PALM2AKAP2: variants seen among roughly 807,000 people sequenced by gnomAD.
The protein encoded by PALM2AKAP2 is PALM2 and AKAP2 fusion, also known as PALM2-AKAP2 fusion protein.
Under a neutral mutation model 71.5 loss-of-function variants are expected in PALM2AKAP2, and 37 were observed. The observed-to-expected ratio is 0.52, with a 90% CI of 0.40 to 0.68. The LOEUF (loss-of-function observed/expected upper bound fraction) is 0.68, where lower values mean the gene tolerates loss of function less well. Ranked by LOEUF, PALM2AKAP2 falls within the 30% of genes least tolerant of loss-of-function variation. The pLI, the probability that PALM2AKAP2 is intolerant of heterozygous loss-of-function variation, is 0.00. For synonymous variants in PALM2AKAP2, 468 were observed against 478.8 expected (o/e 0.98, Z 0.29); for missense variants, 1,224 against 1,191.8 (o/e 1.03, Z -0.40).
chr9:109,727,480 A>G (rs369639554), intron 1 of PALM2AKAP2, among the ~76,000 whole-genome samples: 1 of 151,708 alleles, frequency 6.6e-6, no homozygotes, highest in Non-Finnish European at 1.5e-5. Flanking sequence ...ACATTAAAAA[A>G]TTATTTTATA....
chr9:110,098,030 G>A (rs1257023205), intron 1 of PALM2AKAP2, among the ~76,000 whole-genome samples: 2 of 144,500 alleles, frequency 1.4e-5, no homozygotes, highest in African/African-American at 2.7e-5. Flanking sequence ...GCGTGGCGGC[G>A]CGTGCCTGCA....
intron 1 of PALM2AKAP2, among the ~76,000 whole-genome samples, chr9:109,688,428 T>G (rs1827833632): frequency 6.6e-6 from 1 of 152,258 alleles, no homozygotes; most frequent in South Asian, 2.1e-4. Flanking sequence ...ATTCAGAGCC[T>G]TGCTCTATCT....
intron 7 of PALM2AKAP2, among the ~76,000 whole-genome samples, chr9:110,023,369 C>T (rs1459240387): frequency 1.6e-5 from 2 of 127,554 alleles, no homozygotes; most frequent in Non-Finnish European, 3.1e-5. Context: ...GGCTGGAGTG[C>T]AATGACGCCA....
intron 1 of PALM2AKAP2, among the ~76,000 whole-genome samples, chr9:110,098,993 A>G (rs1472199202): frequency 3.3e-5 from 5 of 152,224 alleles, no homozygotes; most frequent in Non-Finnish European, 7.4e-5. Flanking sequence ...TTAAGTGATT[A>G]CTTTCAATTC....
intron 1 of PALM2AKAP2, among the ~76,000 whole-genome samples, chr9:109,802,037 C>G (rs1827445710): frequency 6.6e-6 from 1 of 152,194 alleles, no homozygotes. Context: ...AACAACACTT[C>G]TCAGTCAAAA....
At chr9:110,105,262 A>T (rs886253564) in intron 1 of PALM2AKAP2, among the ~76,000 whole-genome samples, 1 of 152,238 alleles carries the variant, frequency 6.6e-6, no homozygotes, top group Non-Finnish European at 1.5e-5. Context: ...TTGCCAGAAA[A>T]GAGCATGCAG....
chr9:109,704,803 T>G (rs1332635351), intron 1 of PALM2AKAP2, among the ~76,000 whole-genome samples: 1 of 152,152 alleles, frequency 6.6e-6, no homozygotes, highest in African/African-American at 2.4e-5. Flanking sequence ...GCCATTCACT[T>G]CAACTTGGCT....
At chr9:109,688,934 G>T (rs1403436573) in intron 1 of PALM2AKAP2, among the ~76,000 whole-genome samples, 1 of 152,122 alleles carries the variant, frequency 6.6e-6, no homozygotes, top group Non-Finnish European at 1.5e-5. Context: ...TGCAATAATC[G>T]ATTATGTGAG....
chr9:109,972,473 C>T (rs910525756), intron 6 of PALM2AKAP2, among the ~76,000 whole-genome samples: 25 of 152,306 alleles, frequency 1.6e-4, no homozygotes, highest in African/African-American at 6.0e-4. Context: ...ACGTGGGAGA[C>T]AGCATGGCAT....
intron 1 of PALM2AKAP2, among the ~76,000 whole-genome samples, chr9:109,798,430 G>A (rs1188666696): frequency 6.6e-6 from 1 of 152,216 alleles, no homozygotes; most frequent in African/African-American, 2.4e-5. Context: ...TAAGGGGCCT[G>A]TAAACAATGG....
chr9:109,748,287 T>A (rs1041870262), intron 1 of PALM2AKAP2, among the ~76,000 whole-genome samples: 36 of 152,172 alleles, frequency 2.4e-4, no homozygotes, highest in African/African-American at 7.7e-4. Context: ...CTTGGTGAAT[T>A]GGGCTGCCCT....
intron 1 of PALM2AKAP2, 88 bp downstream of exon 1, chr9:109,780,621 A>G: frequency 2.6e-6 from 4 of 1,562,618 alleles, no homozygotes; most frequent in Non-Finnish European, 3.5e-6. Context: ...GCATGCCAGC[A>G]CAGTAGCCGC....
chr9:110,150,144 C>T (rs971276292), intron 2 of PALM2AKAP2, among the ~76,000 whole-genome samples: 2 of 152,366 alleles, frequency 1.3e-5, no homozygotes, highest in South Asian at 4.1e-4. Flanking sequence ...CTCTCCCCAC[C>T]ATGTGTGGAC....
At chr9:109,788,225 C>T (rs999392643) in intron 1 of PALM2AKAP2, among the ~76,000 whole-genome samples, 1 of 152,198 alleles carries the variant, frequency 6.6e-6, no homozygotes, top group Non-Finnish European at 1.5e-5. Flanking sequence ...AACCTATACT[C>T]AAGGTATGCA....
intron 1 of PALM2AKAP2, among the ~76,000 whole-genome samples, chr9:109,661,463 C>G (rs1390914888): frequency 6.6e-6 from 1 of 152,188 alleles, no homozygotes; most frequent in East Asian, 1.9e-4. Context: ...TGTCAAAGAT[C>G]AGATGGTTGT....
intron 3 of PALM2AKAP2, among the ~76,000 whole-genome samples, chr9:109,911,099 C>T (rs1564206427): frequency 1.3e-5 from 2 of 152,092 alleles, no homozygotes; most frequent in Non-Finnish European, 2.9e-5. Context: ...CGCTGGCCTT[C>T]AACAGACAGT....
chr9:110,137,296 G>A, exon 2 of PALM2AKAP2: 1 of 1,614,244 alleles, frequency 6.2e-7, no homozygotes, highest in Non-Finnish European at 8.5e-7. Context: ...TCTCCATCAA[G>A]CCTTTCTACA....
At chr9:109,812,635 C>T (rs760727399) in intron 1 of PALM2AKAP2, among the ~76,000 whole-genome samples, 3 of 152,188 alleles carry the variant, frequency 2.0e-5, no homozygotes, top group Non-Finnish European at 4.4e-5. Context: ...TTATTTCATC[C>T]CTCACCTCAT....
chr9:109,900,437 C>A (rs536525251), intron 3 of PALM2AKAP2, among the ~76,000 whole-genome samples: 2 of 152,208 alleles, frequency 1.3e-5, no homozygotes, highest in African/African-American at 4.8e-5. Context: ...GTCTAGGCAC[C>A]CAATAGATGG....
Sources: gnomAD v4.1 joint callset for allele counts (sites outside exome capture counted in the v4.1 genomes callset) on GRCh38, gnomAD v4.1.1 for gene constraint, MANE v1.5 for transcripts, NCBI Gene and HGNC (gene_info 2026-07-23, HGNC 2026-07-21) for gene names.